BMP1: variants seen among roughly 807,000 people sequenced by gnomAD.
The protein encoded by BMP1 is mammalian tolloid protein.
A neutral mutation model predicts 116.8 loss-of-function variants in BMP1; 63 were observed. That is an observed-to-expected ratio of 0.54 (90% CI 0.44 to 0.67). The LOEUF is 0.67. Among genes scored for constraint, BMP1 ranks in the 30% least tolerant of loss-of-function variants. The pLI, the probability that BMP1 is intolerant of heterozygous loss-of-function variation, is 0.00. For synonymous variants in BMP1, 536 were observed against 533.4 expected (o/e 1.00, Z -0.07); for missense variants, 1,183 against 1,358.9 (o/e 0.87, Z 2.04).
At position 22,201,101 on chromosome 8, in the gene BMP1, T is replaced by C. The variant is rs1829248974; in HGVS notation, c.2108-702T>C. 4 of 1,561,948 alleles carry C rather than the reference T, an allele frequency of 2.6e-6. No homozygotes were observed. Among genetic ancestry groups the C allele is most frequent in the Non-Finnish European group, 3.5e-6 (4 of 1,145,342 alleles). ...CCCACCCCTTGGTCCCTTTTCTCCTTCTCTCTCTCGTTTCAGAAAAGAGGC... is the reference window on the plus strand; with the variant it reads ...CCCACCCCTTGGTCCCTTTTCTCCTCCTCTCTCTCGTTTCAGAAAAGAGGC... On this transcript the variant is annotated intron_variant, in intron 15 of 19. Coordinates refer to ENST00000306385, the MANE Select transcript of BMP1 (RefSeq NM_006129.5).
At chr8:22,172,634 A>G (rs1023563852) in intron 1 of BMP1, among the ~76,000 whole-genome samples, 4 of 117,558 alleles carry the variant, frequency 3.4e-5, no homozygotes, top group Non-Finnish European at 5.0e-5. Context: ...TTTTTTTGAG[A>G]CAGGGTCTCA....
rs147682773 is a variant in BMP1, at chr8:22,206,930, G to A, written c.2310G>A (p.Lys770=). The change falls in exon 17 of 20, where the codon AAG becomes AAA. Residue 770 remains lysine (K), a synonymous_variant. Coordinates refer to ENST00000306385, the MANE Select transcript of BMP1 (RefSeq NM_006129.5). The stretch of plus-strand genomic sequence containing the variant: ...ACTGGCCTGACAAGTATCCCAGCAA[G>A]AAGGAGTGCACGTGGGCCATCTCCA... ...SPNWPDKYPS[K]KECTWAISST... 21 of 1,614,106 alleles carry A rather than the reference G, an allele frequency of 1.3e-5. No homozygotes were observed. In the African/African-American group the frequency reaches 1.9e-4, roughly 14 times the overall value.
rs1586439067 is a variant in BMP1 at position 22,176,207 on chromosome 8, T to G, written c.327T>G (p.Cys109Trp). ...ACGGGCAGCCTCAGAGGGGAGCCTG[T>G]GGGAGATGGAGAGGTAGATCCCGTA... ...STNGQPQRGACGRWRGRSRSR... is the reference protein window; with the variant it reads ...STNGQPQRGAWGRWRGRSRSR... Residue 109 changes from cysteine to tryptophan, a missense_variant, in exon 3 of 20, where the codon TGT (cysteine) becomes TGG (tryptophan). Physicochemically the swap from Cys to Trp is radical, Grantham distance 215. Coordinates refer to ENST00000306385, the MANE Select transcript of BMP1 (RefSeq NM_006129.5). 1 of 1,614,102 alleles carries G rather than the reference T, an allele frequency of 6.2e-7. No individual in the cohort carries two copies. The highest frequency in any genetic ancestry group is 8.5e-7 in the Non-Finnish European group (1 of 1,180,022).
Position 22,194,048 on chromosome 8 carries a change from G to A in BMP1, c.1181-10G>A, listed in dbSNP as rs1189035742. The A allele has an allele frequency of 6.2e-7, 1 of 1,610,728 alleles. No homozygotes were observed. The highest frequency in any genetic ancestry group is 1.7e-5 in the Admixed American group (1 of 60,010). ...GGTTCACCACTCTTCCATCCACACT[G>A]TCTGTGCAGGCCGCTTCTGCGGGTC... On this transcript the variant is annotated splice_polypyrimidine_tract_variant and intron_variant, in intron 9 of 19. Transcript: ENST00000306385. This position sits in a 1 kb window ranked among gnomAD's most constrained non-coding sequence, Gnocchi z 4.5.
At chr8:22,209,891 C>T (rs762824748) in intron 19 of BMP1, among the ~76,000 whole-genome samples, 196 bp downstream of exon 19, 5 of 152,276 alleles carry the variant, frequency 3.3e-5, no homozygotes, top group Admixed American at 6.5e-5. Context: ...CCATCCCCGA[C>T]GTAGGAAACC....
intron 16 of BMP1, among the ~76,000 whole-genome samples, chr8:22,205,109 C>T (rs947614183): frequency 4.7e-4 from 72 of 152,070 alleles, no homozygotes; most frequent in South Asian, 6.2e-4. Flanking sequence ...GTTTGCAGGT[C>T]GGAGTCCAGA....
intron 15 of BMP1, chr8:22,201,300 T>C (rs1481799657): frequency 5.3e-6 from 8 of 1,513,182 alleles, no homozygotes; most frequent in Non-Finnish European, 6.2e-6. Flanking sequence ...CCACCTCCAC[T>C]CTGCCATTCC....
At chr8:22,199,149 GCA>G in intron 15 of BMP1, 2 of 1,367,360 alleles carry the variant, frequency 1.5e-6, no homozygotes, top group Non-Finnish European at 2.0e-6. Context: ...ACGCCCACAC[GCA>G]CACACATGTG....
In BMP1 at chr8:22,209,449, C is replaced by T. The variant is rs372744146; in HGVS notation, c.2580C>T (p.Cys860=). ...KGFQASHATE[C]GGQVRADVKT... ...GGCCCCTCTTGTCCCCTACAGAGTG[C>T]GGGGGCCAGGTACGGGCAGACGTGA... The change falls in exon 19 of 20, where the codon TGC becomes TGT. Residue 860 remains cysteine (C), a synonymous_variant. Coordinates refer to ENST00000306385, the MANE Select transcript of BMP1 (RefSeq NM_006129.5). The T allele has an allele frequency of 1.4e-5, 22 of 1,613,906 alleles. No individual in the cohort carries two copies. Among genetic ancestry groups the T allele is most frequent in the East Asian group, 2.2e-5 (1 of 44,886 alleles).
At chr8:22,208,592 T>C (rs1292970754) in intron 18 of BMP1, among the ~76,000 whole-genome samples, 1 of 152,162 alleles carries the variant, frequency 6.6e-6, no homozygotes, top group Non-Finnish European at 1.5e-5. Context: ...TGTGCCCAGG[T>C]GACAGCAGGT....
At chr8:22,199,181 C>T (rs149269122) in intron 15 of BMP1, 15 of 1,367,644 alleles carry the variant, frequency 1.1e-5, no homozygotes, top group East Asian at 4.6e-5. Flanking sequence ...TGCCCCATCG[C>T]ACAAGAAACC....
intron 7 of BMP1, 107 bp from the exon 8 acceptor site, chr8:22,180,261 G>A (rs1050349649): frequency 9.1e-6 from 8 of 876,408 alleles, no homozygotes; most frequent in Admixed American, 5.4e-5. Context: ...CCACTCCTCA[G>A]GCATTCTCCC....
chr8:22,209,874 C>A (rs1237229447), intron 19 of BMP1, among the ~76,000 whole-genome samples, 179 bp downstream of exon 19: 1 of 152,266 alleles, frequency 6.6e-6, no homozygotes, highest in Non-Finnish European at 1.5e-5. Context: ...TACTCAGAGA[C>A]ACTGCCCCAT....
At position 22,194,284 on chromosome 8, in the gene BMP1, A is replaced by C; in HGVS notation, c.1297+110A>C. On this transcript the variant is annotated intron_variant, in intron 10 of 19. Coordinates refer to ENST00000306385, the MANE Select transcript of BMP1 (RefSeq NM_006129.5). This position sits in a 1 kb window ranked among gnomAD's most constrained non-coding sequence, Gnocchi z 4.5. Reference sequence around the variant, plus strand: ...CAAGATTGTGGGTTCCCAAGGGAAGAAGCAGAGAGAATGATGGGATTGCCT... The same window carrying C: ...CAAGATTGTGGGTTCCCAAGGGAAGCAGCAGAGAGAATGATGGGATTGCCT... The C allele has an allele frequency of 6.9e-7, 1 of 1,457,594 alleles. No homozygotes were observed. Among genetic ancestry groups the C allele is most frequent in the African/African-American group, 1.4e-5 (1 of 71,700 alleles). The allele number at this position is 1,457,594 out of a possible 1,614,324, so 90.3% of individuals were successfully genotyped here.
At chr8:22,208,394 C>T (rs532434626) in intron 18 of BMP1, among the ~76,000 whole-genome samples, 9 of 152,320 alleles carry the variant, frequency 5.9e-5, no homozygotes, top group Admixed American at 3.3e-4. Flanking sequence ...CACTCCTGCC[C>T]CCCACCCCAT....
chr8:22,190,941 T>A (rs1255350404), intron 8 of BMP1, among the ~76,000 whole-genome samples: 1 of 152,168 alleles, frequency 6.6e-6, no homozygotes, highest in Non-Finnish European at 1.5e-5. Flanking sequence ...CTGGAATCCC[T>A]ACTTGTTGGA....
rs1171628902 is a variant in BMP1, at chr8:22,179,090, T to G, written c.837-615T>G. On this transcript the variant is annotated intron_variant, in intron 6 of 19. Transcript: ENST00000306385. This position sits in a 1 kb window ranked among gnomAD's most constrained non-coding sequence, Gnocchi z 4.6. ...AGGTGGAGGGCTGCCTGCCTCCCCTTCACTCTGCTCCTCCCAGTGCAAACA... is the reference window on the plus strand; with the variant it reads ...AGGTGGAGGGCTGCCTGCCTCCCCTGCACTCTGCTCCTCCCAGTGCAAACA... Among the ~76,000 whole-genome samples the G allele has an allele frequency of 6.6e-6, 1 of 152,144 alleles. No individual in the cohort carries two copies.
intron 1 of BMP1, 146 bp from the exon 2 acceptor site, chr8:22,173,453 CCTT>C (rs1159053637): frequency 1.6e-5 from 9 of 554,856 alleles, no homozygotes; most frequent in Non-Finnish European, 2.9e-5. Context: ...CCCTAACTGC[CCTT>C]CTCCTTCTCG....
intron 1 of BMP1, among the ~76,000 whole-genome samples, chr8:22,165,882 C>CGT (rs149003237): frequency 0.14 from 18,016 of 131,166 alleles, 1,238 homozygotes; most frequent in South Asian, 0.17. Flanking sequence ...CCTGTGCGTG[C>CGT]GTGTGTGTGT....
Sources: gnomAD v4.1 joint callset for allele counts (sites outside exome capture counted in the v4.1 genomes callset) on GRCh38, gnomAD v4.1.1 for gene constraint, Gnocchi (gnomAD v3.1) non-coding constraint, MANE v1.5 for transcripts, NCBI Gene and HGNC (gene_info 2026-07-23, HGNC 2026-07-21) for gene names.